MYO5B: variants seen among roughly 807,000 people sequenced by gnomAD.
MYO5B encodes the protein unconventional myosin-Vb.
Under a neutral mutation model 229.3 loss-of-function variants are expected in MYO5B, and 143 were observed. The ratio of observed to expected loss-of-function variants is 0.62; its 90% CI spans 0.54 to 0.72. The LOEUF is 0.72. Ranked by LOEUF, MYO5B falls within the 30% of genes least tolerant of loss-of-function variation. The pLI, the probability that MYO5B is intolerant of heterozygous loss-of-function variation, is 0.00. For missense variants in MYO5B, 2,321 were observed against 2,331.0 expected, an observed-to-expected ratio of 1.00 and a Z score of 0.09; for synonymous variants, 918 against 885.2, an observed-to-expected ratio of 1.04 and a Z score of -0.66.
At chr18:49,849,374 T>C (rs1278815082) in intron 32 of MYO5B, among the ~76,000 whole-genome samples, 193 bp downstream of exon 32, 2 of 152,200 alleles carry the variant, frequency 1.3e-5, no homozygotes, top group Admixed American at 1.3e-4. Flanking sequence ...AAGTGTCTTT[T>C]GTCCATATTC....
chr18:49,855,888 C>T (rs915243459), intron 30 of MYO5B, among the ~76,000 whole-genome samples: 1 of 152,238 alleles, frequency 6.6e-6, no homozygotes, highest in Non-Finnish European at 1.5e-5. Context: ...GCTCCGCCAC[C>T]ACCTGGCTGA....
chr18:49,957,142 C>CAA (rs71169467), intron 12 of MYO5B, among the ~76,000 whole-genome samples: 12,917 of 58,432 alleles, frequency 0.22, 1,889 homozygotes, highest in Non-Finnish European at 0.27. Flanking sequence ...AATAAAGTAG[C>CAA]AAAAAAAAAA....
intron 1 of MYO5B, among the ~76,000 whole-genome samples, chr18:50,145,376 A>G (rs1332598335): frequency 1.3e-5 from 2 of 151,624 alleles, no homozygotes; most frequent in Non-Finnish European, 2.9e-5. Context: ...AGTCCCAGCT[A>G]CTCGGGAGGC....
intron 21 of MYO5B, among the ~76,000 whole-genome samples, chr18:49,897,304 T>A (rs2144135026): frequency 6.6e-6 from 1 of 152,320 alleles, no homozygotes; most frequent in Admixed American, 6.5e-5. Context: ...CCCTGCCATG[T>A]TACTGCCCTG....
At chr18:49,900,069 G>C (rs1317420376) in intron 21 of MYO5B, among the ~76,000 whole-genome samples, 1 of 152,214 alleles carries the variant, frequency 6.6e-6, no homozygotes, top group Non-Finnish European at 1.5e-5. Context: ...AGGCTGGAAA[G>C]CAAGGCCTGG....
chr18:49,948,818 C>A (rs2025402401), intron 14 of MYO5B, among the ~76,000 whole-genome samples: 1 of 152,108 alleles, frequency 6.6e-6, no homozygotes, highest in South Asian at 2.1e-4. Flanking sequence ...GTGAGCTGTT[C>A]CTGCGACTCC....
chr18:50,000,157 AAG>A (rs929932232), intron 5 of MYO5B, among the ~76,000 whole-genome samples: 9 of 152,202 alleles, frequency 5.9e-5, no homozygotes, highest in African/African-American at 1.9e-4. Context: ...GGAAGAGAGA[AAG>A]AGGGGACTGG....
chr18:50,172,273 C>T (rs2032929423), intron 1 of MYO5B, among the ~76,000 whole-genome samples: 1 of 138,476 alleles, frequency 7.2e-6, no homozygotes, highest in Non-Finnish European at 1.5e-5. Flanking sequence ...AGAGTGAGAC[C>T]CTGACAAAAA....
intron 4 of MYO5B, among the ~76,000 whole-genome samples, chr18:50,002,359 A>G (rs1303210161): frequency 6.6e-6 from 1 of 152,152 alleles, no homozygotes; most frequent in South Asian, 2.1e-4. Context: ...AAGATACTCT[A>G]CATCAGATAG....
chr18:49,886,112 G>A (rs1009649450), intron 22 of MYO5B, among the ~76,000 whole-genome samples: 2 of 152,042 alleles, frequency 1.3e-5, no homozygotes, highest in African/African-American at 2.4e-5. Flanking sequence ...GCTAATTTTT[G>A]TATTTTTAGT....
chr18:49,880,497 G>C (rs1466715607), intron 22 of MYO5B, 42 bp from the exon 23 acceptor site: 1 of 1,471,422 alleles, frequency 6.8e-7, no homozygotes, highest in Admixed American at 1.7e-5. Context: ...ATGATGCTGG[G>C]AAGAGGAGAG....
intron 2 of MYO5B, among the ~76,000 whole-genome samples, chr18:50,043,342 T>C (rs1443970051): frequency 2.4e-5 from 2 of 83,904 alleles, no homozygotes; most frequent in Non-Finnish European, 4.6e-5. Flanking sequence ...TATATATTTA[T>C]ATTATATATA....
At chr18:50,068,567 A>G (rs1333330533) in intron 1 of MYO5B, among the ~76,000 whole-genome samples, 1 of 152,232 alleles carries the variant, frequency 6.6e-6, no homozygotes, top group East Asian at 1.9e-4. Flanking sequence ...ATAGAAGGAA[A>G]CAGAATGAAA....
intron 10 of MYO5B, among the ~76,000 whole-genome samples, chr18:49,968,501 A>G (rs1164190977): frequency 1.3e-5 from 2 of 152,216 alleles, no homozygotes; most frequent in Non-Finnish European, 2.9e-5. Flanking sequence ...CAGTAAATTT[A>G]CTTAATCTAA....
At chr18:49,980,353 G>A (rs1568057243) in intron 9 of MYO5B, 91 bp downstream of exon 9, 2 of 926,034 alleles carry the variant, frequency 2.2e-6, no homozygotes, top group East Asian at 5.0e-5. Flanking sequence ...TAACCTATGA[G>A]TGTCCTCTAA....
At chr18:50,094,347 A>C (rs2031509129) in intron 1 of MYO5B, among the ~76,000 whole-genome samples, 5 of 152,178 alleles carry the variant, frequency 3.3e-5, no homozygotes, top group Non-Finnish European at 7.3e-5. Flanking sequence ...GAGCAGTGTA[A>C]CTCTGAGCAG....
At chr18:50,174,830 A>C (rs11082807) in intron 1 of MYO5B, among the ~76,000 whole-genome samples, 54,773 of 152,014 alleles carry the variant, frequency 0.36, 11,145 homozygotes, top group Non-Finnish European at 0.46. Context: ...GGTGCTAGTG[A>C]TTTGCCCAGT....
chr18:49,963,327 C>T (rs978734079), intron 10 of MYO5B, among the ~76,000 whole-genome samples: 1 of 152,084 alleles, frequency 6.6e-6, no homozygotes, highest in Admixed American at 6.5e-5. Flanking sequence ...CCAGTTATAT[C>T]TTGGTGGGTT....
At chr18:49,882,016 T>C (rs1156536862) in intron 22 of MYO5B, among the ~76,000 whole-genome samples, 1 of 152,148 alleles carries the variant, frequency 6.6e-6, no homozygotes, top group Non-Finnish European at 1.5e-5. Context: ...TTGGATCCCC[T>C]ACAGATTCAT....
Sources: gnomAD v4.1 joint callset for allele counts (sites outside exome capture counted in the v4.1 genomes callset) on GRCh38, gnomAD v4.1.1 for gene constraint, MANE v1.5 for transcripts, NCBI Gene and HGNC (gene_info 2026-07-23, HGNC 2026-07-21) for gene names.